Variants in CILK1 observed in about 807,000 individuals in gnomAD.
CILK1 encodes the protein ciliogenesis associated kinase 1.
CILK1 carries 47 observed loss-of-function variants against 79.2 expected under a neutral mutation model. The observed-to-expected ratio is 0.59, with a 90% CI of 0.47 to 0.76. CILK1 has a LOEUF of 0.76. Among genes scored for constraint, CILK1 ranks in the 30% least tolerant of loss-of-function variants. CILK1 has a pLI of 0.00. For missense variants in CILK1, 660 were observed against 769.5 expected (o/e 0.86, Z 1.68); for synonymous variants, 266 against 275.9 (o/e 0.96, Z 0.36).
At chr6:53,015,356 T>C (rs1308328102) in intron 8 of CILK1, among the ~76,000 whole-genome samples, 3 of 152,134 alleles carry the variant, frequency 2.0e-5, no homozygotes, top group Non-Finnish European at 4.4e-5. Flanking sequence ...ATTATTTAAG[T>C]CTAAGTGGCC....
Position 53,025,079 on chromosome 6 carries a change from C to G in CILK1, c.359-5720G>C, listed in dbSNP as rs145468435. Among the ~76,000 whole-genome samples, 1,042 of 152,154 alleles carry G rather than the reference C, an allele frequency of 6.8e-3. 18 individuals are homozygous for G. Among genetic ancestry groups the G allele is most frequent in the African/African-American group, 0.024 (984 of 41,500 alleles). ...AACTCCTGGCCTCAAGTGATTCACC[C>G]GTCTCAGCCTCCCAAAGTGCTAGGA... is the stretch of plus-strand genomic sequence containing the variant. On this transcript the variant is annotated intron_variant, in intron 5 of 13. Transcript: ENST00000676107.
At chr6:53,050,168 C>A (rs912961716) in intron 1 of CILK1, among the ~76,000 whole-genome samples, 1 of 152,072 alleles carries the variant, frequency 6.6e-6, no homozygotes, top group Non-Finnish European at 1.5e-5. Context: ...AGGCAAATAT[C>A]AAAAATTTGA....
At chr6:53,049,136 T>G (rs1456299943) in intron 1 of CILK1, among the ~76,000 whole-genome samples, 1 of 152,220 alleles carries the variant, frequency 6.6e-6, no homozygotes, top group Admixed American at 6.5e-5. Flanking sequence ...ATATATGCCT[T>G]TGGGCTTATT....
At chr6:53,008,269 T>C (rs11753557) in intron 12 of CILK1, among the ~76,000 whole-genome samples, 8 of 151,716 alleles carry the variant, frequency 5.3e-5, no homozygotes, top group Non-Finnish European at 8.8e-5. Context: ...TGATCCAAGA[T>C]TATCTTCACA....
At chr6:53,044,156 G>T (rs1309223894) in intron 1 of CILK1, among the ~76,000 whole-genome samples, 1 of 152,158 alleles carries the variant, frequency 6.6e-6, no homozygotes, top group Non-Finnish European at 1.5e-5. Flanking sequence ...ACCCAGGGCT[G>T]TAAACCAGTC....
intron 1 of CILK1, among the ~76,000 whole-genome samples, chr6:53,043,294 T>A (rs931693663): frequency 1.2e-4 from 18 of 151,804 alleles, no homozygotes; most frequent in African/African-American, 4.1e-4. Context: ...CCAGCCTGGG[T>A]AACAGAGTGA....
chr6:53,032,373 C>T (rs1459762189), intron 4 of CILK1, among the ~76,000 whole-genome samples, 160 bp downstream of exon 4: 1 of 150,854 alleles, frequency 6.6e-6, no homozygotes, highest in Non-Finnish European at 1.5e-5. Context: ...ACATTGTGCA[C>T]ATGTACCCTA....
chr6:53,044,193 C>T (rs1259423202), intron 1 of CILK1, among the ~76,000 whole-genome samples: 2 of 152,188 alleles, frequency 1.3e-5, no homozygotes, highest in Non-Finnish European at 2.9e-5. Flanking sequence ...CTGGGCCACA[C>T]AGCAGGAGGA....
In CILK1 at chr6:53,043,786, AC is replaced by A. The variant is rs1766872811; in HGVS notation, c.-172-2379del. 2.6e-5 allele frequency among the ~76,000 whole-genome samples: 4 copies of A among 152,216 alleles called. No individual in the cohort carries two copies. In the South Asian group the frequency reaches 8.3e-4, roughly 32 times the overall value. ...GATGGGAGGGGGGAAGCAGATATGT[AC>A]CACTCATGAATACAAACTAAGATAT... On this transcript the variant is annotated intron_variant, in intron 1 of 13. Coordinates refer to ENST00000676107, the MANE Select transcript of CILK1 (RefSeq NM_014920.5).
intron 9 of CILK1, among the ~76,000 whole-genome samples, chr6:53,013,352 G>A (rs929353801): frequency 1.3e-5 from 2 of 152,198 alleles, no homozygotes; most frequent in African/African-American, 4.8e-5. Context: ...CAGATAACTT[G>A]CATAGGTATC....
chr6:53,001,522 A>C lies in CILK1; in HGVS notation c.*3627T>G, dbSNP rs1763944312. ...CCATTGTAATCAAATCAGCTGACTAATTGCTATCTGTACTGAGTTATCTGA... is the reference window on the plus strand; with the variant it reads ...CCATTGTAATCAAATCAGCTGACTACTTGCTATCTGTACTGAGTTATCTGA... On this transcript the variant is annotated 3_prime_UTR_variant, in exon 14 of 14. Transcript: ENST00000676107. 6.6e-6 allele frequency: 1 copy of C among 152,660 alleles called. No individual in the cohort carries two copies. Among genetic ancestry groups the C allele is most frequent in the African/African-American group, 2.4e-5 (1 of 41,472 alleles). The allele number at this position is 152,660 out of a possible 1,614,324, so 9.5% of individuals were successfully genotyped here.
rs1764730401 is a variant in CILK1, at chr6:53,013,784, G to A, written c.1030C>T (p.Pro344Ser). Residue 344 changes from proline (P) to serine (S), a missense_variant, in exon 9 of 14, where the codon CCT becomes TCT. Physicochemically the swap from Pro to Ser is moderately conservative, Grantham distance 74. Coordinates refer to ENST00000676107, the MANE Select transcript of CILK1 (RefSeq NM_014920.5). Reference sequence around the variant, plus strand: ...TTGTAGGGGTACGTGAGATGCAGAGGGGGCTGGCTGGCTTGATGCTGTCGT... The same window carrying A: ...TTGTAGGGGTACGTGAGATGCAGAGAGGGCTGGCTGGCTTGATGCTGTCGT... The part of the protein sequence containing the change: ...SSRQHQASQP[P>S]LHLTYPYKAE... 6.2e-7 allele frequency: 1 copy of A among 1,614,140 alleles called. No individual in the cohort carries two copies. Among genetic ancestry groups the A allele is most frequent in the African/African-American group, 1.3e-5 (1 of 75,040 alleles).
intron 1 of CILK1, among the ~76,000 whole-genome samples, chr6:53,059,888 C>T (rs1177342383): frequency 2.6e-5 from 4 of 152,130 alleles, no homozygotes; most frequent in Admixed American, 2.6e-4. Flanking sequence ...ATTCAGCAAC[C>T]ATTTAATGAG....
At chr6:53,047,464 CTTT>C (rs60611050) in intron 1 of CILK1, among the ~76,000 whole-genome samples, 2 of 70,742 alleles carry the variant, frequency 2.8e-5, no homozygotes, top group Non-Finnish European at 5.5e-5. Flanking sequence ...CACTACCAGG[CTTT>C]TTTTTTTTTT....
chr6:53,027,551 C>T (rs1765654233), intron 5 of CILK1, among the ~76,000 whole-genome samples: 1 of 152,246 alleles, frequency 6.6e-6, no homozygotes. Flanking sequence ...GAATGGGCTA[C>T]CAGAGAAAAG....
At chr6:53,028,970 T>C (rs767263457) in intron 5 of CILK1, among the ~76,000 whole-genome samples, 1 of 152,084 alleles carries the variant, frequency 6.6e-6, no homozygotes, top group Non-Finnish European at 1.5e-5. Context: ...TGTATATATA[T>C]ATATGCATAC....
intron 1 of CILK1, among the ~76,000 whole-genome samples, chr6:53,057,061 C>A (rs1767938823): frequency 6.6e-6 from 1 of 152,204 alleles, no homozygotes. Context: ...TCTTTCAAAG[C>A]AAAGGCAATG....
intron 11 of CILK1, 82 bp downstream of exon 11, chr6:53,011,687 A>C (rs1308053562): frequency 7.3e-7 from 1 of 1,378,636 alleles, no homozygotes; most frequent in Non-Finnish European, 1.0e-6. Flanking sequence ...CTGCCTTCTA[A>C]AACAGAACCT....
intron 5 of CILK1, among the ~76,000 whole-genome samples, chr6:53,030,393 T>C (rs2127436797): frequency 6.6e-6 from 1 of 152,330 alleles, no homozygotes; most frequent in South Asian, 2.1e-4. Flanking sequence ...TCAAGAATAG[T>C]TCTGCTTTTC....
Sources: gnomAD v4.1 joint callset for allele counts (sites outside exome capture counted in the v4.1 genomes callset) on GRCh38, gnomAD v4.1.1 for gene constraint, MANE v1.5 for transcripts, NCBI Gene and HGNC (gene_info 2026-07-23, HGNC 2026-07-21) for gene names.